The following DNAH6 variants were observed in gnomAD, a reference collection of about 807,000 sequenced individuals.
DNAH6 encodes axonemal beta dynein heavy chain 6.
Under a neutral mutation model 491.4 loss-of-function variants are expected in DNAH6, and 340 were observed. The observed-to-expected ratio is 0.69, with a 90% CI of 0.63 to 0.76. The LOEUF (loss-of-function observed/expected upper bound fraction) is 0.76, where lower values mean the gene tolerates loss of function less well. DNAH6 is among the 30% of genes least tolerant of loss of function. The pLI is 0.00. For synonymous variants in DNAH6, 1,603 were observed against 1,686.1 expected (o/e 0.95, Z 1.21); for missense variants, 4,443 against 4,972.2 (o/e 0.89, Z 3.20).
At chr2:84,705,415 A>G in intron 51 of DNAH6, 71 bp from the exon 52 acceptor site, 3 of 1,340,660 alleles carry the variant, frequency 2.2e-6, no homozygotes, top group Non-Finnish European at 3.0e-6. Context: ...TAATGTTCTC[A>G]AAGAAATACA....
At chr2:84,809,629 A>G (rs1209252666) in intron 72 of DNAH6, among the ~76,000 whole-genome samples, 3 of 152,136 alleles carry the variant, frequency 2.0e-5, no homozygotes, top group Non-Finnish European at 4.4e-5. Context: ...AGTCCAAAAC[A>G]AGAGAAAAAT....
At chr2:84,677,612 A>G (rs532253302) in intron 41 of DNAH6, among the ~76,000 whole-genome samples, 3 of 152,302 alleles carry the variant, frequency 2.0e-5, no homozygotes, top group African/African-American at 7.2e-5. Flanking sequence ...ATGATAACCT[A>G]TCTTTTGTCC....
intron 11 of DNAH6, among the ~76,000 whole-genome samples, chr2:84,566,410 G>A (rs1223964613): frequency 2.0e-5 from 3 of 151,990 alleles, no homozygotes; most frequent in African/African-American, 7.2e-5. Context: ...AAACCCATAT[G>A]ATGGACACTT....
chr2:84,489,947 A>G, the DNAH6 span, among the ~76,000 whole-genome samples: 5 of 152,228 alleles, frequency 3.3e-5, no homozygotes, highest in Admixed American at 2.0e-4. Context: ...AACCACTAAC[A>G]TAGAGACTCA....
chr2:84,786,114 G>T (rs1188838783), intron 67 of DNAH6, among the ~76,000 whole-genome samples: 1 of 144,750 alleles, frequency 6.9e-6, no homozygotes, highest in Non-Finnish European at 1.5e-5. Context: ...ATGAATGAAT[G>T]AATGAATGAA....
upstream of DNAH6, among the ~76,000 whole-genome samples, chr2:84,513,124 ATTTTC>A (rs1675399494): frequency 6.7e-6 from 1 of 149,194 alleles, no homozygotes; most frequent in Non-Finnish European, 1.5e-5. Flanking sequence ...TTTTTTAGTT[ATTTTC>A]TTAGTGGTTG....
intron 42 of DNAH6, 97 bp downstream of exon 42, chr2:84,681,625 TG>T (rs1693782464): frequency 8.9e-7 from 1 of 1,122,630 alleles, no homozygotes; most frequent in Non-Finnish European, 1.2e-6. Context: ...CAGGTGTTGG[TG>T]ACTCACCCAG....
intron 2 of DNAH6, among the ~76,000 whole-genome samples, chr2:84,523,548 G>T (rs965315039): frequency 2.0e-5 from 3 of 151,960 alleles, no homozygotes; most frequent in Non-Finnish European, 2.9e-5. Context: ...GTGATTGGAG[G>T]TTGTTAATTT....
At chr2:84,715,824 C>T (rs561506270) in intron 58 of DNAH6, among the ~76,000 whole-genome samples, 197 bp downstream of exon 58, 2 of 152,154 alleles carry the variant, frequency 1.3e-5, no homozygotes, top group East Asian at 1.9e-4. Flanking sequence ...TCTTGTCTAC[C>T]GTCTTCTCAA....
At chr2:84,765,044 TCA>T (rs1486272097) in intron 64 of DNAH6, among the ~76,000 whole-genome samples, 9 of 152,110 alleles carry the variant, frequency 5.9e-5, no homozygotes. Context: ...TATGACTATG[TCA>T]CACAAACTAA....
At chr2:84,793,231 T>G (rs1677956383) in intron 68 of DNAH6, among the ~76,000 whole-genome samples, 1 of 152,030 alleles carries the variant, frequency 6.6e-6, no homozygotes, top group Non-Finnish European at 1.5e-5. Context: ...CACACGGGCG[T>G]GCACACACAC....
chr2:84,464,810 C>G, the DNAH6 span, among the ~76,000 whole-genome samples: 83 of 152,144 alleles, frequency 5.5e-4, no homozygotes, highest in South Asian at 7.1e-3. Context: ...ATCAGCAAGG[C>G]CTTTATGACC....
intron 62 of DNAH6, among the ~76,000 whole-genome samples, chr2:84,739,944 A>G (rs1313190672): frequency 1.3e-5 from 2 of 151,678 alleles, no homozygotes; most frequent in East Asian, 3.9e-4. Context: ...GAGGTGATGA[A>G]ACACTCTGTC....
At chr2:84,787,002 C>T (rs556134390) in intron 67 of DNAH6, among the ~76,000 whole-genome samples, 162 bp from the exon 68 acceptor site, 3 of 152,162 alleles carry the variant, frequency 2.0e-5, no homozygotes, top group Non-Finnish European at 4.4e-5. Flanking sequence ...GGTGCTTTCT[C>T]TGTTTGGTGA....
At chr2:84,503,773 A>G in the DNAH6 span, among the ~76,000 whole-genome samples, 1 of 151,110 alleles carries the variant, frequency 6.6e-6, no homozygotes, top group Non-Finnish European at 1.5e-5. Context: ...TGGCAGATGT[A>G]TTGAAGCTCC....
At chr2:84,502,539 T>A in the DNAH6 span, among the ~76,000 whole-genome samples, 3 of 152,212 alleles carry the variant, frequency 2.0e-5, no homozygotes, top group African/African-American at 7.2e-5. Flanking sequence ...ATCCATTTGC[T>A]CTATAATGCA....
intron 4 of DNAH6, among the ~76,000 whole-genome samples, chr2:84,538,773 C>T (rs1368801315): frequency 6.6e-6 from 1 of 152,038 alleles, no homozygotes; most frequent in Non-Finnish European, 1.5e-5. Flanking sequence ...CATGTTCCTT[C>T]TAAACAACTA....
chr2:84,756,965 G>A (rs1277824146), intron 63 of DNAH6, among the ~76,000 whole-genome samples: 1 of 152,154 alleles, frequency 6.6e-6, no homozygotes, highest in African/African-American at 2.4e-5. Flanking sequence ...AGAGAGAGGA[G>A]CTCCTAGCAA....
intron 76 of DNAH6, 116 bp from the exon 77 acceptor site, chr2:84,819,189 C>A (rs1680791000): frequency 1.6e-6 from 1 of 641,528 alleles, no homozygotes; most frequent in African/African-American, 1.8e-5. Context: ...TGTCCAGCAT[C>A]TTTAGGGGCA....
Sources: allele counts gnomAD v4.1 joint callset (sites outside exome capture counted in the v4.1 genomes callset), GRCh38; gene constraint gnomAD v4.1.1; transcripts MANE v1.5; gene names NCBI Gene and HGNC (gene_info 2026-07-23, HGNC 2026-07-21).